Variants in ANO4 observed in about 807,000 individuals in gnomAD.
ANO4 encodes the protein anoctamin-4.
ANO4 carries 69 observed loss-of-function variants against 141.9 expected under a neutral mutation model. The observed-to-expected ratio is 0.49, with a 90% CI of 0.40 to 0.59. The LOEUF is 0.59. ANO4 is among the 20% of genes least tolerant of loss of function. The pLI is 0.00. For missense variants in ANO4, 894 were observed against 1,162.2 expected (o/e 0.77, Z 3.36); for synonymous variants, 350 against 394.3 (o/e 0.89, Z 1.33).
intron 17 of ANO4, among the ~76,000 whole-genome samples, chr12:101,091,360 G>A (rs1173612097): frequency 6.6e-6 from 1 of 152,268 alleles, no homozygotes; most frequent in East Asian, 1.9e-4. Flanking sequence ...TATCTGTGAT[G>A]ATGTCTCATC....
At chr12:101,019,332 C>T (rs916368197) in intron 8 of ANO4, among the ~76,000 whole-genome samples, 6 of 152,106 alleles carry the variant, frequency 3.9e-5, no homozygotes, top group Admixed American at 1.3e-4. Context: ...CCTAGAAAAC[C>T]TCTTAGTAGG....
intron 1 of ANO4, among the ~76,000 whole-genome samples, chr12:100,884,735 C>T (rs1182274869): frequency 6.6e-6 from 1 of 152,156 alleles, no homozygotes; most frequent in African/African-American, 2.4e-5. Flanking sequence ...CGCTCTATCA[C>T]CCAGGCTGGA....
At chr12:100,927,506 G>A (rs1373578276) in intron 3 of ANO4, among the ~76,000 whole-genome samples, 3 of 152,098 alleles carry the variant, frequency 2.0e-5, no homozygotes, top group African/African-American at 7.2e-5. Flanking sequence ...AACATTTTAA[G>A]AGGTAAGCAT....
intron 4 of ANO4, among the ~76,000 whole-genome samples, chr12:100,940,964 A>G (rs2042486037): frequency 6.6e-6 from 1 of 152,210 alleles, no homozygotes; most frequent in Non-Finnish European, 1.5e-5. Context: ...TGTAAGTTAC[A>G]AAGTATGATA....
At chr12:100,934,576 T>C (rs1592761295) in intron 3 of ANO4, among the ~76,000 whole-genome samples, 1 of 152,182 alleles carries the variant, frequency 6.6e-6, no homozygotes, top group Non-Finnish European at 1.5e-5. Flanking sequence ...CAATGTGGGC[T>C]CTTTTTTGGT....
intron 7 of ANO4, among the ~76,000 whole-genome samples, chr12:100,986,884 G>T (rs2044731038): frequency 6.6e-6 from 1 of 152,152 alleles, no homozygotes; most frequent in African/African-American, 2.4e-5. Flanking sequence ...ACCACTTTTA[G>T]GATACTGTTG....
In ANO4 at chr12:101,037,489, T is replaced by C. The variant is rs1270317520; in HGVS notation, c.897+339T>C. Among the ~76,000 whole-genome samples the C allele has an allele frequency of 3.3e-5, 5 of 152,314 alleles. No individual in the cohort carries two copies. The East Asian group carries it at 7.7e-4, about 24-fold the overall frequency. On this transcript the variant is annotated intron_variant, in intron 10 of 27. Transcript: ENST00000392977. ...ACAAGAAGAATGTTCTTGAAATATA[T>C]AGTCTTTGCAACAAATAAATGTATA...
intron 1 of ANO4, among the ~76,000 whole-genome samples, chr12:100,836,201 A>C (rs1192747131): frequency 2.0e-5 from 3 of 151,980 alleles, no homozygotes; most frequent in African/African-American, 7.2e-5. Flanking sequence ...GTGGGTGAAA[A>C]TGTTGATCTG....
chr12:100,886,940 C>T (rs2039863277), intron 1 of ANO4, among the ~76,000 whole-genome samples: 1 of 152,224 alleles, frequency 6.6e-6, no homozygotes. Flanking sequence ...AGAACGATCT[C>T]CTCTTGTAGA....
At chr12:101,054,582 C>T (rs553110689) in intron 14 of ANO4, among the ~76,000 whole-genome samples, 205 of 152,366 alleles carry the variant, frequency 1.3e-3, no homozygotes, top group African/African-American at 4.7e-3. Context: ...TCATTGCAAG[C>T]TCCGCCTCCC....
At chr12:100,927,413 T>G (rs1443926481) in intron 3 of ANO4, among the ~76,000 whole-genome samples, 3 of 152,144 alleles carry the variant, frequency 2.0e-5, no homozygotes, top group Non-Finnish European at 4.4e-5. Context: ...TCAAATCTTA[T>G]GTACAGTAGC....
intron 17 of ANO4, among the ~76,000 whole-genome samples, chr12:101,090,597 G>A (rs1046747915): frequency 2.6e-5 from 4 of 152,082 alleles, no homozygotes; most frequent in Non-Finnish European, 5.9e-5. Flanking sequence ...AGGGCCTGCC[G>A]GGGGTGTGGG....
At chr12:100,722,204 C>A (rs1171563770) in intron 1 of ANO4, among the ~76,000 whole-genome samples, 1 of 152,164 alleles carries the variant, frequency 6.6e-6, no homozygotes, top group Non-Finnish European at 1.5e-5. Flanking sequence ...TTCAACTTTG[C>A]TTTCTCCTTG....
At chr12:100,912,768 G>A (rs915615064) in intron 2 of ANO4, among the ~76,000 whole-genome samples, 7 of 152,188 alleles carry the variant, frequency 4.6e-5, no homozygotes, top group Non-Finnish European at 2.9e-5. Flanking sequence ...CTTCCTATTT[G>A]TGAATGGATT....
chr12:100,957,994 C>A (rs1015191583), intron 5 of ANO4, among the ~76,000 whole-genome samples: 9 of 152,206 alleles, frequency 5.9e-5, no homozygotes, highest in African/African-American at 2.4e-5. Context: ...AGGCATGAGC[C>A]ATGCCCAGCC....
chr12:101,079,241 A>G lies in ANO4; in HGVS notation c.1361A>G (p.Tyr454Cys). 1.2e-6 allele frequency: 2 copies of G among 1,614,038 alleles called. No homozygotes were observed. The highest frequency in any genetic ancestry group is 1.7e-6 in the Non-Finnish European group (2 of 1,179,940). Residue 454 changes from tyrosine (Y) to cysteine (C), a missense_variant, in exon 15 of 28, where the codon TAT (tyrosine) becomes TGT (cysteine). By Grantham distance (194) the Tyr-to-Cys change is radical (BLOSUM62 -2). Transcript: ENST00000392977. ...AAAAGACGGCGAGCAGTAATTGCTT[A>G]TGACTGGGATTTGATAGACTGGGAA... ...FWKRRRAVIAYDWDLIDWEEE... is the reference protein window; with the variant it reads ...FWKRRRAVIACDWDLIDWEEE...
chr12:101,109,697 C>T (rs932836148), intron 22 of ANO4, among the ~76,000 whole-genome samples: 8 of 152,188 alleles, frequency 5.3e-5, no homozygotes, highest in African/African-American at 1.9e-4. Flanking sequence ...TTCTTCAATA[C>T]ACTTCCCCCT....
chr12:100,790,810 A>C (rs540799245), upstream of ANO4, among the ~76,000 whole-genome samples: 5 of 152,196 alleles, frequency 3.3e-5, no homozygotes, highest in African/African-American at 1.2e-4. Flanking sequence ...GCAGATACCT[A>C]CTATTTGGAA....
At position 101,039,865 on chromosome 12, in the gene ANO4, A is replaced by G. The variant is rs137946975; in HGVS notation, c.898-90A>G. On this transcript the variant is annotated intron_variant, in intron 10 of 27. Transcript: ENST00000392977. ...TCTTTCTCATACCACTCCTATCACA[A>G]CACCTGCTGTAAGACACTTACATTA... 7.5e-3 allele frequency: 10,642 copies of G among 1,428,328 alleles called. 62 individuals are homozygous for G. Among genetic ancestry groups the G allele is most frequent in the Non-Finnish European group, 9.2e-3 (9,700 of 1,054,378 alleles). 88.5% of individuals were successfully genotyped at this position (1,428,328 alleles called of 1,614,324 possible).
Sources: allele counts gnomAD v4.1 joint callset (sites outside exome capture counted in the v4.1 genomes callset), GRCh38; gene constraint gnomAD v4.1.1; transcripts MANE v1.5; gene names NCBI Gene and HGNC (gene_info 2026-07-23, HGNC 2026-07-21).